The following SAXO1 variants were observed in gnomAD, a reference collection of about 807,000 sequenced individuals.
SAXO1 encodes the protein 4930500O09Rik.
SAXO1 carries 21 observed loss-of-function variants against 17.5 expected under a neutral mutation model. The ratio of observed to expected loss-of-function variants is 1.20; its 90% CI spans 0.85 to 1.72. The LOEUF is 1.72. Among genes scored for constraint, SAXO1 ranks in the 40% most tolerant of loss-of-function variants. The probability of loss-of-function intolerance (pLI) is 0.00; values close to 1 mark genes in which losing one functional copy is unlikely to be tolerated. For synonymous variants in SAXO1, 274 were observed against 216.5 expected, an observed-to-expected ratio of 1.27 and a Z score of -2.33; for missense variants, 843 against 596.0, an observed-to-expected ratio of 1.41 and a Z score of -4.32.
intron 1 of SAXO1, among the ~76,000 whole-genome samples, chr9:19,017,896 A>T (rs1282324050): frequency 1.3e-5 from 2 of 152,216 alleles, no homozygotes; most frequent in Non-Finnish European, 2.9e-5. Context: ...GGCTGTGCAC[A>T]GTGGCTCACG....
chr9:18,990,390 A>C (rs1274660891), intron 1 of SAXO1, among the ~76,000 whole-genome samples: 2 of 152,220 alleles, frequency 1.3e-5, no homozygotes, highest in African/African-American at 4.8e-5. Context: ...GAACTCTGTC[A>C]GAAAATTAAA....
intron 1 of SAXO1, among the ~76,000 whole-genome samples, chr9:19,018,623 T>C (rs1835095720): frequency 6.6e-6 from 1 of 152,194 alleles, no homozygotes; most frequent in African/African-American, 2.4e-5. Flanking sequence ...CATGAACTGC[T>C]ACATGCAGAC....
chr9:18,948,987 A>G (rs1190079891), intron 2 of SAXO1, among the ~76,000 whole-genome samples: 2 of 152,202 alleles, frequency 1.3e-5, no homozygotes, highest in Admixed American at 6.5e-5. Context: ...ACATGTGCCT[A>G]GGACTCTTAC....
chr9:19,026,498 A>G (rs548616289), intron 1 of SAXO1, among the ~76,000 whole-genome samples: 1 of 152,248 alleles, frequency 6.6e-6, no homozygotes, highest in South Asian at 2.1e-4. Flanking sequence ...CTTTACAGCA[A>G]CCCTGCCTTG....
intron 1 of SAXO1, among the ~76,000 whole-genome samples, chr9:19,040,419 G>C (rs1194423478): frequency 6.6e-6 from 1 of 151,982 alleles, no homozygotes; most frequent in Non-Finnish European, 1.5e-5. Flanking sequence ...GAGGCACATG[G>C]ATCACTTGAG....
intron 1 of SAXO1, among the ~76,000 whole-genome samples, chr9:18,975,095 A>G (rs1242158468): frequency 6.6e-6 from 1 of 152,198 alleles, no homozygotes; most frequent in Non-Finnish European, 1.5e-5. Flanking sequence ...CAGGTGTTGA[A>G]GGATGAGGCA....
intron 2 of SAXO1, chr9:18,947,745 G>A (rs1274738255): frequency 6.6e-6 from 1 of 152,118 alleles, no homozygotes; most frequent in Non-Finnish European, 1.5e-5. Context: ...AATTACCAAG[G>A]GCTGCAAGAA....
chr9:19,000,485 G>A (rs540249811), intron 1 of SAXO1, among the ~76,000 whole-genome samples: 102 of 151,184 alleles, frequency 6.7e-4, no homozygotes, highest in Middle Eastern at 3.4e-3. Flanking sequence ...GCCTCTGCCC[G>A]CCCACTGCCC....
At chr9:18,967,113 G>A (rs549025144) in intron 1 of SAXO1, among the ~76,000 whole-genome samples, 28 of 152,280 alleles carry the variant, frequency 1.8e-4, no homozygotes, top group African/African-American at 6.5e-4. Flanking sequence ...CTCCTTCCTC[G>A]GGAAGCTTCA....
At chr9:18,972,574 C>T (rs1018211244) in intron 1 of SAXO1, among the ~76,000 whole-genome samples, 2 of 152,088 alleles carry the variant, frequency 1.3e-5, no homozygotes, top group African/African-American at 4.8e-5. Context: ...AACTCAAAAC[C>T]TGAGGTTGTG....
intron 1 of SAXO1, among the ~76,000 whole-genome samples, chr9:18,998,276 T>G (rs752158248): frequency 5.3e-5 from 8 of 152,108 alleles, no homozygotes; most frequent in Non-Finnish European, 8.8e-5. Flanking sequence ...TTAAATGACC[T>G]CGTGGATCTG....
chr9:18,982,653 A>C (rs983882441), intron 1 of SAXO1, among the ~76,000 whole-genome samples: 1 of 152,148 alleles, frequency 6.6e-6, no homozygotes, highest in African/African-American at 2.4e-5. Context: ...CAAACAATTC[A>C]ATTAGTTTTT....
At chr9:18,993,073 T>C (rs936034164) in intron 1 of SAXO1, among the ~76,000 whole-genome samples, 1 of 152,164 alleles carries the variant, frequency 6.6e-6, no homozygotes, top group African/African-American at 2.4e-5. Flanking sequence ...GTGCTGAGAT[T>C]ACTGGTGTGG....
chr9:18,966,916 G>A (rs1418604899), intron 1 of SAXO1, among the ~76,000 whole-genome samples: 1 of 152,156 alleles, frequency 6.6e-6, no homozygotes, highest in East Asian at 1.9e-4. Flanking sequence ...GTGACCTTTG[G>A]ATGGAGTTTT....
intron 2 of SAXO1, among the ~76,000 whole-genome samples, chr9:18,944,346 G>A (rs940884393): frequency 1.3e-5 from 2 of 152,140 alleles, no homozygotes; most frequent in Non-Finnish European, 2.9e-5. Context: ...TTTTTATGTT[G>A]AGAACATTCA....
rs1836293576 is a variant in SAXO1 at position 19,049,189 on chromosome 9, C to G, written c.-158+20G>C. ...TGGCCACGAGAGGGCAGCATTTCCC[C>G]CGGCCAACCACACACGTACCCCTAG... On this transcript the variant is annotated intron_variant, in intron 1 of 3. Transcript: ENST00000542071. The surrounding 1 kb of genome is among the most constrained non-coding windows in gnomAD (Gnocchi z 5.4). 6.5e-6 allele frequency: 1 copy of G among 152,850 alleles called. No homozygotes were observed. Among genetic ancestry groups the G allele is most frequent in the African/African-American group, 2.4e-5 (1 of 41,490 alleles). 9.5% of individuals were successfully genotyped at this position (152,850 alleles called of 1,614,324 possible). A position where few individuals can be genotyped will look rare whatever the true frequency, so the allele number is the denominator to read the frequency against.
At chr9:19,015,225 G>A (rs1834922640) in intron 1 of SAXO1, among the ~76,000 whole-genome samples, 1 of 152,156 alleles carries the variant, frequency 6.6e-6, no homozygotes, top group African/African-American at 2.4e-5. Flanking sequence ...GAGTACAATG[G>A]CATGATCATG....
intron 1 of SAXO1, among the ~76,000 whole-genome samples, chr9:19,031,664 C>T (rs1326738852): frequency 6.6e-5 from 10 of 152,190 alleles, no homozygotes; most frequent in Admixed American, 5.2e-4. Context: ...AGCTCAAAAG[C>T]AAGACCCACG....
chr9:18,938,806 GTGCA>G lies in SAXO1; in HGVS notation c.421+2827_421+2830del, dbSNP rs1191287850. 4.2e-5 allele frequency among the ~76,000 whole-genome samples: 6 copies of G among 144,084 alleles called. No individual in the cohort carries two copies. In the East Asian group the frequency reaches 1.0e-3, roughly 24 times the overall value. The allele number at this position is 144,084 out of a possible 152,430, so 94.5% of individuals were successfully genotyped here. ...AAGAGTACTGCTGGGGTGTGGTGGG[GTGCA>G]TGCGTGCGTGCGTGTGTGTGTGTGT... On this transcript the variant is annotated intron_variant, in intron 3 of 3. Coordinates refer to ENST00000380534, the MANE Select transcript of SAXO1 (RefSeq NM_153707.4).
Sources: allele counts gnomAD v4.1 joint callset (sites outside exome capture counted in the v4.1 genomes callset), GRCh38; gene constraint gnomAD v4.1.1; non-coding constraint Gnocchi (gnomAD v3.1); transcripts MANE v1.5; gene names NCBI Gene and HGNC (gene_info 2026-07-23, HGNC 2026-07-21).